MTG1: variants seen among roughly 807,000 people sequenced by gnomAD.
The protein encoded by MTG1 is mitochondrial ribosome associated GTPase 1, also known as mitochondrial ribosome-associated GTPase 1.
In MTG1, 30 loss-of-function variants were observed where a neutral mutation model predicts 39.5. The observed-to-expected ratio is 0.76, with a 90% CI of 0.57 to 1.03. MTG1 has a LOEUF of 1.03. MTG1 is among the 50% of genes least tolerant of loss of function. MTG1 has a pLI of 0.00. For missense variants in MTG1, 513 were observed against 447.4 expected (o/e 1.15, Z -1.32); for synonymous variants, 217 against 179.0 (o/e 1.21, Z -1.69).
chr10:133,416,366 T>C (rs956830140), intron 9 of MTG1, among the ~76,000 whole-genome samples: 2 of 148,646 alleles, frequency 1.3e-5, no homozygotes, highest in Non-Finnish European at 1.5e-5. Context: ...TGGCAATTTT[T>C]GGATGATATA....
At position 133,419,650 on chromosome 10, in the gene MTG1, C is replaced by T. The variant is rs138396616; in HGVS notation, c.865+58C>T. ...CTCACCCCATCACCCTGGGGGACCC[C>T]GGCCATCCCTGGAGGAGGCAGGGAG... On this transcript the variant is annotated intron_variant, in intron 10 of 10. Transcript: ENST00000317502. 9.6e-3 allele frequency: 13,640 copies of T among 1,414,922 alleles called. 94 individuals are homozygous for T. The highest frequency in any genetic ancestry group is 0.036 in the Middle Eastern group (163 of 4,498). The allele number at this position is 1,414,922 out of a possible 1,614,324, so 87.6% of individuals were successfully genotyped here.
intron 9 of MTG1, among the ~76,000 whole-genome samples, chr10:133,406,931 C>T (rs1029250494): frequency 2.6e-5 from 4 of 152,174 alleles, no homozygotes; most frequent in South Asian, 2.1e-4. Flanking sequence ...TAATAGCCAC[C>T]GCACCCGGCC....
rs1188127728 is a variant in MTG1 at position 133,402,770 on chromosome 10, T to C, written c.749T>C (p.Phe250Ser). Reference protein sequence around the residue: ...LLYTLNKHQRFGYVQHYGLGS... With the variant: ...LLYTLNKHQRSGYVQHYGLGS... ...TACACCCTCAACAAACACCAGCGCT[T>C]TGGGTGAGTGCAGTGAATGCAGGGC... is the stretch of plus-strand genomic sequence containing the variant. Residue 250 changes from phenylalanine to serine, a missense_variant, in exon 9 of 11, where the codon TTT becomes TCT. Physicochemically the swap from Phe to Ser is radical, Grantham distance 155. Coordinates refer to ENST00000317502, the MANE Select transcript of MTG1 (RefSeq NM_138384.4). This position sits in a 1 kb window ranked among gnomAD's most constrained non-coding sequence, Gnocchi z 4.7. 1 of 1,599,558 alleles carries C rather than the reference T, an allele frequency of 6.3e-7. No individual in the cohort carries two copies. Among genetic ancestry groups the C allele is most frequent in the East Asian group, 2.2e-5 (1 of 44,510 alleles).
In MTG1 at chr10:133,394,217, C is replaced by A. The variant is rs764832276; in HGVS notation, c.-4C>A. 6 of 1,514,382 alleles carry A rather than the reference C, an allele frequency of 4.0e-6. No homozygotes were observed. In the African/African-American group the frequency reaches 7.2e-5, roughly 18 times the overall value. 93.8% of individuals were successfully genotyped at this position (1,514,382 alleles called of 1,614,324 possible). On this transcript the variant is annotated 5_prime_UTR_variant, in exon 1 of 11. Coordinates refer to ENST00000317502, the MANE Select transcript of MTG1 (RefSeq NM_138384.4). ...GCGGGAGCGTTTCCGGGGACGGTGC[C>A]GCCATGAGATTGACCCCGCGCGCGC...
chr10:133,406,126 G>A (rs147609276), intron 9 of MTG1, among the ~76,000 whole-genome samples: 87 of 152,210 alleles, frequency 5.7e-4, no homozygotes, highest in African/African-American at 2.0e-3. Context: ...TTGGCCATTT[G>A]TATGTCTTCT....
chr10:133,394,341 C>G lies in MTG1; in HGVS notation c.112+9C>G, dbSNP rs1849746923. The G allele has an allele frequency of 1.3e-6, 2 of 1,491,000 alleles. No individual in the cohort carries two copies. The highest frequency in any genetic ancestry group is 1.3e-5 in the South Asian group (1 of 79,180). The allele number at this position is 1,491,000 out of a possible 1,614,324, so 92.4% of individuals were successfully genotyped here. ...GGGCCACATGGCCAAGGGTGAGGCA[C>G]GGCGGGGAGGGGCAAGGTCATGCCT... On this transcript the variant is annotated intron_variant, in intron 1 of 10. Transcript: ENST00000317502.
At chr10:133,410,592 A>G (rs971446654) in intron 9 of MTG1, among the ~76,000 whole-genome samples, 7 of 152,334 alleles carry the variant, frequency 4.6e-5, no homozygotes, top group African/African-American at 1.4e-4. Flanking sequence ...TACAAAAAGC[A>G]TTTTATATTT....
Position 133,421,537 on chromosome 10 carries a change from C to T in MTG1, c.*1372C>T. The T allele has an allele frequency of 6.5e-6, 1 of 153,220 alleles. No individual in the cohort carries two copies. 9.5% of individuals were successfully genotyped at this position (153,220 alleles called of 1,614,324 possible). On this transcript the variant is annotated 3_prime_UTR_variant, in exon 11 of 11. Transcript: ENST00000317502. ...TATGAGGATCTGGGGCAGGGCTTGG[C>T]CTTGGCCTGCTGGTCTTGGAGGCGT...
In MTG1 at chr10:133,402,989, CA is replaced by C; in HGVS notation, c.752+217del. 7.7e-6 allele frequency: 4 copies of C among 520,054 alleles called. No homozygotes were observed. In the African/African-American group the frequency reaches 7.7e-5, roughly 10 times the overall value. The allele number at this position is 520,054 out of a possible 1,614,324, so 32.2% of individuals were successfully genotyped here. The stretch of plus-strand genomic sequence containing the variant: ...AGAAAACGAGCGTTCCCGTCACCCC[CA>C]GTCCCTGCTCCTCTTTCGTGAAATC... On this transcript the variant is annotated intron_variant, in intron 9 of 10. Transcript: ENST00000317502. The surrounding 1 kb of genome is among the most constrained non-coding windows in gnomAD (Gnocchi z 4.7).
intron 3 of MTG1, among the ~76,000 whole-genome samples, chr10:133,396,521 C>A (rs1340344481): frequency 6.6e-6 from 1 of 152,220 alleles, no homozygotes; most frequent in Non-Finnish European, 1.5e-5. Context: ...GTTGTGCTGC[C>A]AGAGCCCGAG....
At chr10:133,394,768 G>A (rs931320487) in intron 1 of MTG1, 6 of 984,952 alleles carry the variant, frequency 6.1e-6, no homozygotes, top group Non-Finnish European at 7.3e-6. Context: ...GGTATCTTGA[G>A]TCGTTCTCCT....
chr10:133,419,895 A>T, intron 10 of MTG1, 131 bp from the exon 11 acceptor site: 1 of 1,133,214 alleles, frequency 8.8e-7, no homozygotes, highest in Non-Finnish European at 1.3e-6. Context: ...TTTCTTTCTG[A>T]GTGTGATCCC....
intron 9 of MTG1, among the ~76,000 whole-genome samples, chr10:133,415,486 T>A (rs1463645781): frequency 2.6e-5 from 4 of 152,242 alleles, no homozygotes. Flanking sequence ...TTGGTCTCCC[T>A]TTCTCACTTG....
chr10:133,397,569 C>T (rs1176549636), intron 3 of MTG1, among the ~76,000 whole-genome samples: 2 of 151,674 alleles, frequency 1.3e-5, no homozygotes, highest in East Asian at 1.9e-4. Context: ...AGCTCTGCCT[C>T]CCGGGTTCAC....
At chr10:133,394,418 C>T in intron 1 of MTG1, 86 bp downstream of exon 1, 3 of 1,346,546 alleles carry the variant, frequency 2.2e-6, no homozygotes, top group Non-Finnish European at 2.9e-6. Context: ...CCGTCGCCTG[C>T]TTCTCCCGGT....
rs1008792850 is a variant in MTG1, at chr10:133,422,079, TGTC to T, written c.*1917_*1919del. 3.9e-5 allele frequency: 6 copies of T among 152,854 alleles called. No individual in the cohort carries two copies. Among genetic ancestry groups the T allele is most frequent in the African/African-American group, 9.7e-5 (4 of 41,450 alleles). 9.5% of individuals were successfully genotyped at this position (152,854 alleles called of 1,614,324 possible). On this transcript the variant is annotated 3_prime_UTR_variant, in exon 11 of 11. Transcript: ENST00000317502. ...GTGTCCAGTGCTGGAGGCAAGTCCT[TGTC>T]GTGACTGTCCAGCGCCACTCCATGT...
chr10:133,407,178 A>C (rs1849980781), intron 9 of MTG1, among the ~76,000 whole-genome samples: 1 of 152,158 alleles, frequency 6.6e-6, no homozygotes, highest in African/African-American at 2.4e-5. Flanking sequence ...TTATGCCAGT[A>C]GCGTGCTGTT....
At position 133,407,970 on chromosome 10, in the gene MTG1, G is replaced by A. The variant is rs150538191; in HGVS notation, c.752+5197G>A. Among the ~76,000 whole-genome samples the A allele has an allele frequency of 7.2e-3, 1,103 of 152,200 alleles. 7 individuals are homozygous for A. Among genetic ancestry groups the A allele is most frequent in the Middle Eastern group, 0.014 (4 of 292 alleles). The stretch of plus-strand genomic sequence containing the variant: ...TTATCAGTTCTAATAGTTTTTTGGT[G>A]GAGTCTTTCAGTTTTTCCCAATATA... On this transcript the variant is annotated intron_variant, in intron 9 of 10. Coordinates refer to ENST00000317502, the MANE Select transcript of MTG1 (RefSeq NM_138384.4).
chr10:133,399,441 C>T (rs1382451544), intron 5 of MTG1, 88 bp from the exon 6 acceptor site: 7 of 1,391,280 alleles, frequency 5.0e-6, no homozygotes, highest in Non-Finnish European at 7.1e-6. Context: ...CTGACCTGGC[C>T]TGGGGTCCCC....
Sources: allele counts gnomAD v4.1 joint callset (sites outside exome capture counted in the v4.1 genomes callset), GRCh38; gene constraint gnomAD v4.1.1; non-coding constraint Gnocchi (gnomAD v3.1); transcripts MANE v1.5; gene names NCBI Gene and HGNC (gene_info 2026-07-23, HGNC 2026-07-21).